The following SEMA6A variants were observed in gnomAD, a reference collection of about 807,000 sequenced individuals.
SEMA6A encodes the protein semaphorin 6A.
In SEMA6A, 25 loss-of-function variants were observed where a neutral mutation model predicts 96.8. That is an observed-to-expected ratio of 0.26 (90% CI 0.19 to 0.36). SEMA6A has a LOEUF of 0.36. Among genes scored for constraint, SEMA6A ranks in the 10% least tolerant of loss-of-function variants. The pLI, the probability that SEMA6A is intolerant of heterozygous loss-of-function variation, is 1.00. For missense variants in SEMA6A, 1,363 were observed against 1,323.1 expected, an observed-to-expected ratio of 1.03 and a Z score of -0.47; for synonymous variants, 612 against 518.0, an observed-to-expected ratio of 1.18 and a Z score of -2.46.
At position 116,553,816 on chromosome 5, in the gene SEMA6A, T is replaced by C. The variant is rs141031625; in HGVS notation, c.-39+20369A>G. Among the ~76,000 whole-genome samples the C allele has an allele frequency of 3.3e-3, 507 of 152,288 alleles. 5 individuals are homozygous for C. The highest frequency in any genetic ancestry group is 0.012 in the African/African-American group (489 of 41,548). ...AAAACCAACATCCTTTCAACCAGGA[T>C]GAATAGTACCATGATAAGATAGCTT... On this transcript the variant is annotated intron_variant, in intron 1 of 18. Coordinates refer to ENST00000343348, the MANE Select transcript of SEMA6A (RefSeq NM_020796.5).
At chr5:116,459,376 CT>C (rs1755228299) in intron 18 of SEMA6A, among the ~76,000 whole-genome samples, 1 of 152,094 alleles carries the variant, frequency 6.6e-6, no homozygotes, top group Non-Finnish European at 1.5e-5. Context: ...CTATCTTTGT[CT>C]TTCCCCACTT....
chr5:116,481,798 G>C (rs1212219370), intron 11 of SEMA6A, among the ~76,000 whole-genome samples: 1 of 152,164 alleles, frequency 6.6e-6, no homozygotes, highest in Non-Finnish European at 1.5e-5. Context: ...AGACTACATA[G>C]GACTGAGAGG....
At chr5:116,535,813 A>G (rs1429063403) in intron 1 of SEMA6A, among the ~76,000 whole-genome samples, 1 of 152,238 alleles carries the variant, frequency 6.6e-6, no homozygotes, top group Non-Finnish European at 1.5e-5. Context: ...TGATTTTTCA[A>G]CAATTCAGAT....
chr5:116,522,734 T>C (rs1759016586), intron 1 of SEMA6A, among the ~76,000 whole-genome samples: 1 of 151,936 alleles, frequency 6.6e-6, no homozygotes, highest in Non-Finnish European at 1.5e-5. Context: ...CTTTTTTTTT[T>C]CTCCCTTCTC....
chr5:116,572,937 G>A (rs1192994906), intron 1 of SEMA6A, among the ~76,000 whole-genome samples: 1 of 152,164 alleles, frequency 6.6e-6, no homozygotes, highest in Non-Finnish European at 1.5e-5. Context: ...GGCGCTGGGC[G>A]GAGGGGCGGC....
intron 17 of SEMA6A, chr5:116,471,103 T>A (rs1358231149): frequency 6.6e-6 from 1 of 152,206 alleles, no homozygotes; most frequent in East Asian, 1.9e-4. Flanking sequence ...TGATGGTCAA[T>A]TAATCATCTA....
At chr5:116,478,402 G>A in intron 13 of SEMA6A, 140 bp downstream of exon 13, 2 of 933,580 alleles carry the variant, frequency 2.1e-6, no homozygotes, top group South Asian at 1.8e-5. Context: ...ATGCTTTTTA[G>A]GTGTTAAATT....
chr5:116,513,360 C>T (rs146738854), intron 1 of SEMA6A, among the ~76,000 whole-genome samples: 2,028 of 152,218 alleles, frequency 0.013, 45 homozygotes, highest in African/African-American at 0.042. Context: ...CTCCCAACCT[C>T]AGGTGATCTG....
intron 1 of SEMA6A, among the ~76,000 whole-genome samples, chr5:116,549,576 G>C (rs1285367172): frequency 6.6e-6 from 1 of 152,072 alleles, no homozygotes; most frequent in Non-Finnish European, 1.5e-5. Context: ...ATATAAACAG[G>C]TGGAAACAGA....
intron 1 of SEMA6A, among the ~76,000 whole-genome samples, chr5:116,506,692 G>A (rs1476226422): frequency 1.3e-5 from 2 of 152,040 alleles, no homozygotes; most frequent in Non-Finnish European, 2.9e-5. Context: ...GGGAGGGGGA[G>A]GGGGAGGGGT....
rs185435127 is a variant in SEMA6A at position 116,520,716 on chromosome 5, A to G, written c.-38-15734T>C. On this transcript the variant is annotated intron_variant, in intron 1 of 18. Coordinates refer to ENST00000343348, the MANE Select transcript of SEMA6A (RefSeq NM_020796.5). ...GACTAGCCTACCTAAGGGGATGGGG[A>G]GGCCAGATGAGTGCTAGGACAGAAG... 3.3e-3 allele frequency among the ~76,000 whole-genome samples: 506 copies of G among 152,270 alleles called. 3 individuals are homozygous for G. The highest frequency in any genetic ancestry group is 0.012 in the African/African-American group (502 of 41,560).
intron 18 of SEMA6A, among the ~76,000 whole-genome samples, chr5:116,457,887 C>G (rs916533661): frequency 3.9e-5 from 6 of 152,122 alleles, no homozygotes; most frequent in Non-Finnish European, 7.4e-5. Context: ...AATGAACACA[C>G]CTTTTTCATC....
chr5:116,456,808 C>A (rs1441854491), intron 18 of SEMA6A, among the ~76,000 whole-genome samples: 1 of 152,192 alleles, frequency 6.6e-6, no homozygotes, highest in African/African-American at 2.4e-5. Context: ...CCTTTAAAGG[C>A]CTGCATCTAA....
chr5:116,568,241 A>G (rs536311270), intron 1 of SEMA6A, among the ~76,000 whole-genome samples: 10 of 152,324 alleles, frequency 6.6e-5, no homozygotes, highest in African/African-American at 2.4e-4. Context: ...ATTCACATTC[A>G]TGATTTCGTA....
intron 18 of SEMA6A, among the ~76,000 whole-genome samples, chr5:116,455,202 C>T (rs531000325): frequency 1.2e-3 from 190 of 152,274 alleles, no homozygotes; most frequent in African/African-American, 4.5e-3. Flanking sequence ...TCCTCCACTG[C>T]TCTACTGCTT....
intron 10 of SEMA6A, among the ~76,000 whole-genome samples, chr5:116,484,949 A>G (rs1294804494): frequency 6.6e-6 from 1 of 152,222 alleles, no homozygotes; most frequent in African/African-American, 2.4e-5. Context: ...CTTGTGTGTC[A>G]TGCCAGAGAG....
chr5:116,452,791 G>A (rs1368688770), intron 18 of SEMA6A, among the ~76,000 whole-genome samples: 1 of 152,180 alleles, frequency 6.6e-6, no homozygotes, highest in African/African-American at 2.4e-5. Context: ...CTTAGGGTTG[G>A]GTTGTTTCTT....
intron 1 of SEMA6A, among the ~76,000 whole-genome samples, chr5:116,543,142 G>T (rs1355235520): frequency 6.6e-6 from 1 of 152,054 alleles, no homozygotes; most frequent in Non-Finnish European, 1.5e-5. Flanking sequence ...TGGTTTTTCT[G>T]TGTTATGACT....
chr5:116,472,996 T>TC, intron 17 of SEMA6A, 77 bp downstream of exon 17: 1 of 1,530,790 alleles, frequency 6.5e-7, no homozygotes, highest in South Asian at 1.2e-5. Flanking sequence ...TTGAACATAC[T>TC]CAAGAGGATT....
Sources: gnomAD v4.1 joint callset for allele counts (sites outside exome capture counted in the v4.1 genomes callset) on GRCh38, gnomAD v4.1.1 for gene constraint, MANE v1.5 for transcripts, NCBI Gene and HGNC (gene_info 2026-07-23, HGNC 2026-07-21) for gene names.